Variants in STXBP5 observed in about 807,000 individuals in gnomAD.
STXBP5 encodes syntaxin binding protein 5.
Under a neutral mutation model 152.4 loss-of-function variants are expected in STXBP5, and 50 were observed. That is an observed-to-expected ratio of 0.33 (90% confidence interval 0.26 to 0.42). The LOEUF (loss-of-function observed/expected upper bound fraction) is 0.42, where lower values mean the gene tolerates loss of function less well. Ranked by LOEUF, STXBP5 falls within the 10% of genes least tolerant of loss-of-function variation. The pLI, the probability that STXBP5 is intolerant of heterozygous loss-of-function variation, is 1.00. For missense variants in STXBP5, 1,167 were observed against 1,388.6 expected, an observed-to-expected ratio of 0.84 and a Z score of 2.54; for synonymous variants, 492 against 494.7, an observed-to-expected ratio of 0.99 and a Z score of 0.07.
chr6:147,266,207 T>A (rs1779884840), intron 6 of STXBP5, among the ~76,000 whole-genome samples: 1 of 152,108 alleles, frequency 6.6e-6, no homozygotes, highest in African/African-American at 2.4e-5. Context: ...CATACCATGA[T>A]GGAACTTGTA....
chr6:147,241,045 T>A (rs1432265984), intron 4 of STXBP5, among the ~76,000 whole-genome samples: 1 of 152,204 alleles, frequency 6.6e-6, no homozygotes, highest in Non-Finnish European at 1.5e-5. Context: ...TGTATTATGA[T>A]ACCCAAAACA....
chr6:147,364,975 TAAAC>T lies in STXBP5; in HGVS notation c.3081+812_3081+815del, dbSNP rs1218680219. 3.9e-5 allele frequency among the ~76,000 whole-genome samples: 6 copies of T among 152,190 alleles called. No homozygotes were observed. The East Asian group carries it at 1.2e-3, about 29-fold the overall frequency. On this transcript the variant is annotated intron_variant, in intron 25 of 27. Coordinates refer to ENST00000321680, the MANE Select transcript of STXBP5 (RefSeq NM_001127715.4). ...TGCTAACTATACAATTATGTAATCA[TAAAC>T]AAGTTACTCAGTGACTCTAAGCATC...
At chr6:147,217,342 C>T (rs1777222216) in intron 2 of STXBP5, among the ~76,000 whole-genome samples, 1 of 152,232 alleles carries the variant, frequency 6.6e-6, no homozygotes, top group Non-Finnish European at 1.5e-5. Flanking sequence ...AGCCATTAGG[C>T]ATCTGGGAAT....
At chr6:147,230,453 ATTG>A (rs1777941819) in intron 2 of STXBP5, among the ~76,000 whole-genome samples, 1 of 151,910 alleles carries the variant, frequency 6.6e-6, no homozygotes, top group Non-Finnish European at 1.5e-5. Flanking sequence ...AAATTAGCAT[ATTG>A]TTTACTATCT....
intron 4 of STXBP5, among the ~76,000 whole-genome samples, chr6:147,259,737 G>C (rs118000456): frequency 6.6e-6 from 1 of 151,216 alleles, no homozygotes; most frequent in African/African-American, 2.4e-5. Context: ...AAATGGGGGG[G>C]TCTGTAGGAA....
chr6:147,383,143 CA>C, intron 27 of STXBP5, 145 bp downstream of exon 27: 1 of 874,644 alleles, frequency 1.1e-6, no homozygotes, highest in Non-Finnish European at 1.7e-6. Flanking sequence ...TTTTTGCCAC[CA>C]GAGGGAACCA....
At chr6:147,234,016 A>G (rs755014862) in intron 2 of STXBP5, among the ~76,000 whole-genome samples, 2 of 151,542 alleles carry the variant, frequency 1.3e-5, no homozygotes, top group Non-Finnish European at 3.0e-5. Context: ...ACTCTTGAAA[A>G]TGAATACCAT....
At chr6:147,245,757 G>C (rs1435654188) in intron 4 of STXBP5, among the ~76,000 whole-genome samples, 1 of 152,162 alleles carries the variant, frequency 6.6e-6, no homozygotes, top group East Asian at 1.9e-4. Flanking sequence ...AAGATACACA[G>C]ACACAGAAAC....
chr6:147,213,876 A>G (rs1777024930), intron 2 of STXBP5, among the ~76,000 whole-genome samples: 1 of 152,160 alleles, frequency 6.6e-6, no homozygotes. Context: ...TACCTTTTAG[A>G]TTTGAATTTG....
chr6:147,302,353 A>G (rs1781864645), intron 9 of STXBP5, among the ~76,000 whole-genome samples: 2 of 152,156 alleles, frequency 1.3e-5, no homozygotes, highest in Non-Finnish European at 2.9e-5. Context: ...AGCCAGCATA[A>G]TACGCTCTGA....
intron 2 of STXBP5, among the ~76,000 whole-genome samples, chr6:147,232,552 A>G (rs73788839): frequency 0.017 from 2,540 of 151,936 alleles, 60 homozygotes; most frequent in African/African-American, 0.057. Flanking sequence ...CTGCAGCTGT[A>G]TAATAATACT....
At chr6:147,307,142 A>G (rs1782134554) in intron 9 of STXBP5, among the ~76,000 whole-genome samples, 1 of 152,170 alleles carries the variant, frequency 6.6e-6, no homozygotes, top group South Asian at 2.1e-4. Context: ...TGGGAAGGTA[A>G]TCATTGGCAG....
At chr6:147,289,073 T>C (rs1781141663) in intron 8 of STXBP5, among the ~76,000 whole-genome samples, 3 of 152,216 alleles carry the variant, frequency 2.0e-5, no homozygotes, top group Non-Finnish European at 4.4e-5. Flanking sequence ...GCCTGGGAAG[T>C]TGCGTCTCCC....
chr6:147,320,989 C>T (rs1247119998), intron 16 of STXBP5, among the ~76,000 whole-genome samples: 2 of 152,064 alleles, frequency 1.3e-5, no homozygotes, highest in Non-Finnish European at 2.9e-5. Flanking sequence ...TACTAAAGGA[C>T]CAATTTTTGG....
chr6:147,290,427 T>C (rs976122035), intron 8 of STXBP5, among the ~76,000 whole-genome samples: 2 of 152,224 alleles, frequency 1.3e-5, no homozygotes, highest in Admixed American at 6.5e-5. Flanking sequence ...AGAAGTATTA[T>C]AATGTGGACA....
chr6:147,230,796 C>T (rs1777963488), intron 2 of STXBP5, among the ~76,000 whole-genome samples: 1 of 151,740 alleles, frequency 6.6e-6, no homozygotes, highest in African/African-American at 2.4e-5. Flanking sequence ...TGGCCTTGGG[C>T]AAGTTACTTA....
rs1785161392 is a variant in STXBP5, at chr6:147,363,566, T to C, written c.2777T>C (p.Ile926Thr). The C allele has an allele frequency of 6.2e-7, 1 of 1,613,982 alleles. No homozygotes were observed. Reference protein sequence around the residue: ...VICSEKQAKVISLPTQNCAYK... With the variant: ...VICSEKQAKVTSLPTQNCAYK... ...TGTTCTGAAAAGCAAGCAAAAGTAA[T>C]CTCACTGCCAACCCAGAACTGTGCT... is the stretch of plus-strand genomic sequence containing the variant. Residue 926 changes from isoleucine to threonine, a missense_variant, in exon 24 of 28, where the codon ATC becomes ACC. This residue lies in a region of STXBP5 where 833 missense variants were observed against 986.3 expected (regional missense o/e 0.84). Transcript: ENST00000321680.
intron 2 of STXBP5, among the ~76,000 whole-genome samples, chr6:147,225,231 T>C (rs1447086170): frequency 6.6e-6 from 1 of 152,166 alleles, no homozygotes; most frequent in Non-Finnish European, 1.5e-5. Context: ...AGAAATTTAC[T>C]TTCACAGAAT....
chr6:147,238,143 A>G (rs1159584337), intron 3 of STXBP5, among the ~76,000 whole-genome samples: 1 of 152,174 alleles, frequency 6.6e-6, no homozygotes, highest in Non-Finnish European at 1.5e-5. Flanking sequence ...TGGGTAATTT[A>G]TAAAGAAAGA....
Sources: gnomAD v4.1 joint callset for allele counts (sites outside exome capture counted in the v4.1 genomes callset) on GRCh38, gnomAD v4.1.1 for gene constraint, gnomAD v4.1.1 regional missense constraint, MANE v1.5 for transcripts, NCBI Gene and HGNC (gene_info 2026-07-23, HGNC 2026-07-21) for gene names.